The following RANBP3 variants were observed in gnomAD, a reference collection of about 807,000 sequenced individuals.
RANBP3 encodes RAN binding protein 3.
Under a neutral mutation model 77.3 loss-of-function variants are expected in RANBP3, and 14 were observed. That is an observed-to-expected ratio of 0.18 (90% CI 0.12 to 0.28). The LOEUF (loss-of-function observed/expected upper bound fraction) is 0.28, where lower values mean the gene tolerates loss of function less well. Among genes scored for constraint, RANBP3 ranks in the 10% least tolerant of loss-of-function variants. The pLI, the probability that RANBP3 is intolerant of heterozygous loss-of-function variation, is 1.00. For synonymous variants in RANBP3, 315 were observed against 312.4 expected (o/e 1.01, Z -0.09); for missense variants, 586 against 752.3 (o/e 0.78, Z 2.59).
chr19:5,938,317 T>C (rs1342353330), intron 5 of RANBP3, among the ~76,000 whole-genome samples: 2 of 152,198 alleles, frequency 1.3e-5, no homozygotes, highest in Non-Finnish European at 1.5e-5. Flanking sequence ...TCAGGAAACC[T>C]TGGAGTTGGT....
chr19:5,959,226 G>A lies in RANBP3; in HGVS notation c.23-1253C>T, dbSNP rs2058371252. 6.6e-6 allele frequency among the ~76,000 whole-genome samples: 1 copy of A among 152,178 alleles called. No homozygotes were observed. Among genetic ancestry groups the A allele is most frequent in the African/African-American group, 2.4e-5 (1 of 41,442 alleles). ...GCTGGGGAAATGTCATAAAAGGCAA[G>A]GGGATGCCTGGGGTTGGTTTAGGTT... On this transcript the variant is annotated intron_variant, in intron 1 of 16. Transcript: ENST00000340578. The surrounding 1 kb of genome is among the most constrained non-coding windows in gnomAD (Gnocchi z 5.1).
In RANBP3 at chr19:5,921,766, A is replaced by G. The variant is rs2057823388; in HGVS notation, c.1210-445T>C. Among the ~76,000 whole-genome samples the G allele has an allele frequency of 6.6e-6, 1 of 152,252 alleles. No individual in the cohort carries two copies. The highest frequency in any genetic ancestry group is 1.5e-5 in the Non-Finnish European group (1 of 68,048). ...GGAACATTTGTTCGTGTTCACACAC[A>G]GATCGCACATGAACGTGCACAGCAC... is the stretch of plus-strand genomic sequence containing the variant. On this transcript the variant is annotated intron_variant, in intron 13 of 16. Coordinates refer to ENST00000340578, the MANE Select transcript of RANBP3 (RefSeq NM_007322.3). This position sits in a 1 kb window ranked among gnomAD's most constrained non-coding sequence, Gnocchi z 5.3.
intron 10 of RANBP3, 148 bp downstream of exon 10, chr19:5,925,486 A>G (rs555055623): frequency 1.5e-6 from 1 of 677,674 alleles, no homozygotes; most frequent in Non-Finnish European, 2.6e-6. Flanking sequence ...GGTTGTGCCC[A>G]GAGTGGGGAA....
At chr19:5,977,271 G>A (rs2058603559) in intron 1 of RANBP3, among the ~76,000 whole-genome samples, 1 of 151,984 alleles carries the variant, frequency 6.6e-6, no homozygotes, top group African/African-American at 2.4e-5. Flanking sequence ...GACTATGGAT[G>A]GAAGCAGACA....
chr19:5,962,052 G>A (rs2058410070), intron 1 of RANBP3, among the ~76,000 whole-genome samples: 1 of 152,080 alleles, frequency 6.6e-6, no homozygotes, highest in Non-Finnish European at 1.5e-5. Flanking sequence ...CTCCCGAGCA[G>A]GCCTTATATC....
chr19:5,951,495 C>T lies in RANBP3; in HGVS notation c.180G>A (p.Glu60=), dbSNP rs764404434. Residue 60 remains glutamate (E), a synonymous_variant, in exon 3 of 17, where the codon GAG becomes GAA. Coordinates refer to ENST00000340578, the MANE Select transcript of RANBP3 (RefSeq NM_007322.3). ...CAGGGGCAGGAGGTTCTAGGGCATG[C>T]TCGCCAGCTGACTCGGGGTGACCCG... ...HGTGHPESAG[E]HALEPPAPAG... is the part of the protein sequence containing the mutation. 2.5e-6 allele frequency: 4 copies of T among 1,610,732 alleles called. No homozygotes were observed. Among genetic ancestry groups the T allele is most frequent in the Middle Eastern group, 1.6e-4 (1 of 6,062 alleles).
rs1206183841 is a variant in RANBP3, at chr19:5,921,746, A to G, written c.1210-425T>C. Among the ~76,000 whole-genome samples, 1 of 152,238 alleles carries G rather than the reference A, an allele frequency of 6.6e-6. No individual in the cohort carries two copies. Among genetic ancestry groups the G allele is most frequent in the East Asian group, 1.9e-4 (1 of 5,206 alleles). ...GGTATGTACCCAAGAGAAATGGAACATTTGTTCGTGTTCACACACAGATCG... is the reference window on the plus strand; with the variant it reads ...GGTATGTACCCAAGAGAAATGGAACGTTTGTTCGTGTTCACACACAGATCG... On this transcript the variant is annotated intron_variant, in intron 13 of 16. Transcript: ENST00000340578. This position sits in a 1 kb window ranked among gnomAD's most constrained non-coding sequence, Gnocchi z 5.3.
chr19:5,969,339 G>A (rs1338133115), intron 1 of RANBP3, among the ~76,000 whole-genome samples: 2 of 152,184 alleles, frequency 1.3e-5, no homozygotes, highest in East Asian at 1.9e-4. Flanking sequence ...CTCAAGGACC[G>A]TTTCCACTCA....
chr19:5,918,516 C>A lies in RANBP3; in HGVS notation c.1453G>T (p.Val485Leu), dbSNP rs750943746. 3 of 1,612,670 alleles carry A rather than the reference C, an allele frequency of 1.9e-6. No individual in the cohort carries two copies. Among genetic ancestry groups the A allele is most frequent in the Non-Finnish European group, 2.5e-6 (3 of 1,179,586 alleles). Residue 485 changes from valine to leucine, a missense_variant, in exon 15 of 17, where the codon GTG becomes TTG. Val to Leu is a conservative substitution (Grantham distance 32). Coordinates refer to ENST00000340578, the MANE Select transcript of RANBP3 (RefSeq NM_007322.3). Reference sequence around the variant, plus strand: ...CTCACCGAGATCAGGAAGACCTTCACGCCCTGGTCCTCGGTGTCCATGGCT... The same window carrying A: ...CTCACCGAGATCAGGAAGACCTTCAAGCCCTGGTCCTCGGTGTCCATGGCT... ...ITAMDTEDQG[V>L]KVFLISASSK...
intron 3 of RANBP3, among the ~76,000 whole-genome samples, chr19:5,942,578 C>T (rs1287254821): frequency 3.3e-5 from 5 of 151,932 alleles, no homozygotes; most frequent in East Asian, 1.9e-4. Flanking sequence ...TGGTGGTGCA[C>T]GCCTGTAATC....
chr19:5,954,594 G>C (rs1289780615), intron 2 of RANBP3, among the ~76,000 whole-genome samples: 1 of 152,060 alleles, frequency 6.6e-6, no homozygotes, highest in African/African-American at 2.4e-5. Context: ...CCAAGGATTT[G>C]AAAATTTTCA....
At position 5,951,464 on chromosome 19, in the gene RANBP3, C is replaced by T. The variant is rs770642796; in HGVS notation, c.211G>A (p.Ala71Thr). 16 of 1,605,958 alleles carry T rather than the reference C, an allele frequency of 1.0e-5. No individual in the cohort carries two copies. Among genetic ancestry groups the T allele is most frequent in the South Asian group, 7.8e-5 (7 of 89,836 alleles). The change falls in exon 3 of 17, where the codon GCC becomes ACC. Residue 71 changes from alanine to threonine, a missense_variant. Ala to Thr is a moderately conservative substitution (Grantham distance 58). Around this residue, in one of 5 missense-constraint regions of RANBP3, gnomAD observed 172 missense variants for 183.4 expected, o/e 0.94. Transcript: ENST00000340578. ...GGAGGCGGAGGAGTGCTGGCTGAGGCGCCAGCAGGGGCAGGAGGTTCTAGG... is the reference window on the plus strand; with the variant it reads ...GGAGGCGGAGGAGTGCTGGCTGAGGTGCCAGCAGGGGCAGGAGGTTCTAGG... ...HALEPPAPAGASASTPPPPAP... is the reference protein window; with the variant it reads ...HALEPPAPAGTSASTPPPPAP...
Position 5,937,799 on chromosome 19 carries a change from GGA to G in RANBP3, c.406+3820_406+3821del, listed in dbSNP as rs1358031517. 2.0e-5 allele frequency among the ~76,000 whole-genome samples: 3 copies of G among 152,288 alleles called. No individual in the cohort carries two copies. In the East Asian group the frequency reaches 5.8e-4, roughly 29 times the overall value. The stretch of plus-strand genomic sequence containing the variant: ...GAGGCTGGAGGGGAAAGGTCTGTGG[GGA>G]GAGAGACAGGAGGGAGGCCGTTGCT... On this transcript the variant is annotated intron_variant, in intron 5 of 16. Transcript: ENST00000340578.
At chr19:5,928,305 A>G (rs1367478869) in intron 8 of RANBP3, 2 of 406,156 alleles carry the variant, frequency 4.9e-6, no homozygotes, top group African/African-American at 2.1e-5. Flanking sequence ...TGGGTGACAG[A>G]GCAAAAACCT....
intron 2 of RANBP3, among the ~76,000 whole-genome samples, chr19:5,955,900 G>A (rs1022998850): frequency 6.6e-6 from 1 of 152,104 alleles, no homozygotes; most frequent in African/African-American, 2.4e-5. Flanking sequence ...CCATAAGTTC[G>A]AGACCAGCTT....
intron 5 of RANBP3, among the ~76,000 whole-genome samples, chr19:5,935,373 T>C (rs372576366): frequency 2.0e-5 from 3 of 152,374 alleles, no homozygotes; most frequent in East Asian, 3.9e-4. Flanking sequence ...AGCCAGATCC[T>C]GCAGGATGCG....
At chr19:5,932,036 A>AAAATAAAT (rs375270559) in intron 7 of RANBP3, among the ~76,000 whole-genome samples, 6 of 152,072 alleles carry the variant, frequency 3.9e-5, no homozygotes, top group Non-Finnish European at 7.4e-5. Flanking sequence ...CCCCATCTCC[A>AAAATAAAT]AAATAAATAA....
chr19:5,965,142 G>A (rs954328023), intron 1 of RANBP3, among the ~76,000 whole-genome samples: 1 of 152,102 alleles, frequency 6.6e-6, no homozygotes, highest in South Asian at 2.1e-4. Context: ...GAGGTGGGGG[G>A]CTTGAGGAGG....
intron 15 of RANBP3, 148 bp downstream of exon 15, chr19:5,918,348 G>A (rs1329466037): frequency 4.2e-5 from 36 of 850,522 alleles, no homozygotes; most frequent in South Asian, 3.9e-4. Context: ...TGGGACTGGC[G>A]GGTCCCATAG....
Sources: allele counts gnomAD v4.1 joint callset (sites outside exome capture counted in the v4.1 genomes callset), GRCh38; gene constraint gnomAD v4.1.1; regional missense constraint gnomAD v4.1.1; non-coding constraint Gnocchi (gnomAD v3.1); transcripts MANE v1.5; gene names NCBI Gene and HGNC (gene_info 2026-07-23, HGNC 2026-07-21).